Variants in VCL observed in about 807,000 individuals in gnomAD.
VCL encodes the protein epididymis luminal protein 114.
VCL carries 47 observed loss-of-function variants against 125.7 expected under a neutral mutation model. The observed-to-expected ratio is 0.37, with a 90% CI of 0.30 to 0.48. The LOEUF is 0.48. Among genes scored for constraint, VCL ranks in the 20% least tolerant of loss-of-function variants. The pLI is 0.99. For missense variants in VCL, 1,069 were observed against 1,455.5 expected (o/e 0.73, Z 4.32); for synonymous variants, 458 against 514.6 (o/e 0.89, Z 1.49).
chr10:74,046,519 C>A (rs10762574), intron 2 of VCL, among the ~76,000 whole-genome samples: 86,299 of 152,098 alleles, frequency 0.57, 25,225 homozygotes, highest in Admixed American at 0.64. Context: ...TTGGGAGTAC[C>A]GGCATGAGCC....
chr10:74,017,148 C>T (rs1017793439), intron 1 of VCL, among the ~76,000 whole-genome samples: 3 of 146,892 alleles, frequency 2.0e-5, no homozygotes, highest in Admixed American at 6.8e-5. Context: ...CCCGGGTTCA[C>T]GCCATTCTCC....
chr10:74,044,758 A>G (rs1405084935), intron 2 of VCL, among the ~76,000 whole-genome samples: 1 of 152,238 alleles, frequency 6.6e-6, no homozygotes, highest in East Asian at 1.9e-4. Flanking sequence ...TGGTCTATCT[A>G]GAGTAGAATG....
chr10:74,111,895 C>T lies in VCL; in HGVS notation c.2746-14C>T, dbSNP rs367598954. On this transcript the variant is annotated splice_polypyrimidine_tract_variant and intron_variant, in intron 18 of 21. Transcript: ENST00000211998. ...CACTATCCCTATTTCTCATCCTTCC[C>T]GCCATCGACAAAGCCGGGCATCCCA... 4.6e-5 allele frequency: 74 copies of T among 1,613,960 alleles called. No individual in the cohort carries two copies. The highest frequency in any genetic ancestry group is 1.6e-4 in the South Asian group (15 of 91,056).
rs373365958 is a variant in VCL at position 74,054,901 on chromosome 10, A to G, written c.239+11748A>G. On this transcript the variant is annotated intron_variant, in intron 2 of 21. Transcript: ENST00000211998. Reference sequence around the variant, plus strand: ...ACGCCATTGCACTTCAGCCTGGGTGACAGAGCAAGACTATGTCTCAAAAAA... The same window carrying G: ...ACGCCATTGCACTTCAGCCTGGGTGGCAGAGCAAGACTATGTCTCAAAAAA... 5.3e-5 allele frequency among the ~76,000 whole-genome samples: 8 copies of G among 152,224 alleles called. 1 individual carries two copies. Among genetic ancestry groups the G allele is most frequent in the African/African-American group, 1.4e-4 (6 of 41,540 alleles).
chr10:74,082,051 G>A (rs1270242594), intron 6 of VCL, among the ~76,000 whole-genome samples: 2 of 152,162 alleles, frequency 1.3e-5, no homozygotes, highest in Non-Finnish European at 2.9e-5. Context: ...ACATACTAAC[G>A]AGGCTTCCCT....
chr10:73,998,932 C>T (rs7923778), intron 1 of VCL, among the ~76,000 whole-genome samples: 34,879 of 151,970 alleles, frequency 0.23, 4,052 homozygotes, highest in South Asian at 0.25. Context: ...CACCCCCGCT[C>T]CCCAGAGCTC....
At chr10:74,116,617 C>T (rs7100462) in intron 21 of VCL, among the ~76,000 whole-genome samples, 7,435 of 150,036 alleles carry the variant, frequency 0.05, 571 homozygotes, top group African/African-American at 0.16. Flanking sequence ...ACCTGGGAGG[C>T]GGAAATTGCA....
intron 14 of VCL, 64 bp from the exon 15 acceptor site, chr10:74,103,756 G>A: frequency 6.7e-7 from 1 of 1,486,704 alleles, no homozygotes; most frequent in South Asian, 1.1e-5. Flanking sequence ...AGAAAGCTTG[G>A]CTGAAGGTTT....
Position 74,074,806 on chromosome 10 carries a change from A to T in VCL, c.686A>T (p.Asn229Ile). ...CAAGGCATAGAGGAAGCTTTAAAAA[A>T]TCGCAATTTTACTGTAGAAAAAATG... ...KNQGIEEALK[N>I]RNFTVEKMSA... Residue 229 changes from asparagine to isoleucine, a missense_variant, in exon 6 of 22, where the codon AAT becomes ATT. Coordinates refer to ENST00000211998, the MANE Select transcript of VCL (RefSeq NM_014000.3). 1 of 1,614,202 alleles carries T rather than the reference A, an allele frequency of 6.2e-7. No individual in the cohort carries two copies. The highest frequency in any genetic ancestry group is 8.5e-7 in the Non-Finnish European group (1 of 1,180,022).
chr10:74,055,006 C>CA (rs890958598), intron 2 of VCL, among the ~76,000 whole-genome samples: 176 of 151,986 alleles, frequency 1.2e-3, no homozygotes, highest in African/African-American at 4.1e-3. Context: ...TGCATAAAAA[C>CA]AAAAAGATAC....
chr10:74,054,086 T>TAACTTTTCAA (rs1841354661), intron 2 of VCL, among the ~76,000 whole-genome samples: 2 of 152,196 alleles, frequency 1.3e-5, no homozygotes, highest in African/African-American at 4.8e-5. Context: ...AGTTTTTATG[T>TAACTTTTCAA]GTGCTTGAAA....
intron 1 of VCL, among the ~76,000 whole-genome samples, chr10:74,012,491 G>T (rs1185313465): frequency 1.3e-5 from 2 of 152,140 alleles, no homozygotes; most frequent in Admixed American, 1.3e-4. Flanking sequence ...CAATATAATT[G>T]TTGCAGAATT....
At position 74,071,105 on chromosome 10, in the gene VCL, T is replaced by TA; in HGVS notation, c.499+24dup. The TA allele has an allele frequency of 6.2e-7, 1 of 1,607,896 alleles. No individual in the cohort carries two copies. Among genetic ancestry groups the TA allele is most frequent in the African/African-American group, 1.3e-5 (1 of 74,908 alleles). On this transcript the variant is annotated intron_variant, in intron 4 of 21. Transcript: ENST00000211998. The surrounding 1 kb of genome is among the most constrained non-coding windows in gnomAD (Gnocchi z 4.1). ...CCAGGTTAGTTTTATCCAATTTCTATAACATTTTTTAAGGATTGTCCATGT... is the reference window on the plus strand; with the variant it reads ...CCAGGTTAGTTTTATCCAATTTCTATAAACATTTTTTAAGGATTGTCCATGT...
intron 1 of VCL, among the ~76,000 whole-genome samples, chr10:74,017,595 C>A (rs1428074774): frequency 1.2e-4 from 18 of 150,350 alleles, no homozygotes; most frequent in Admixed American, 3.3e-4. Context: ...TTTTGTTGCC[C>A]AGGCTGGAGT....
chr10:74,028,301 C>T (rs1269624963), intron 1 of VCL, among the ~76,000 whole-genome samples: 1 of 151,602 alleles, frequency 6.6e-6, no homozygotes, highest in Non-Finnish European at 1.5e-5. Flanking sequence ...CCAGGCTGGT[C>T]TCAAACTCCT....
intron 1 of VCL, among the ~76,000 whole-genome samples, chr10:74,032,098 G>C (rs1275120563): frequency 2.7e-5 from 4 of 146,524 alleles, no homozygotes; most frequent in Admixed American, 6.8e-5. Flanking sequence ...AAAAAGCCGG[G>C]TGTGGTTGTA....
At chr10:74,050,856 G>T (rs531224305) in intron 2 of VCL, among the ~76,000 whole-genome samples, 6 of 149,372 alleles carry the variant, frequency 4.0e-5, no homozygotes, top group Admixed American at 3.3e-4. Flanking sequence ...CTGCATTTTT[G>T]ACCTAGAGCA....
At chr10:74,080,962 G>A (rs1015897117) in intron 6 of VCL, among the ~76,000 whole-genome samples, 1 of 152,184 alleles carries the variant, frequency 6.6e-6, no homozygotes, top group African/African-American at 2.4e-5. Flanking sequence ...TGATAGGAGA[G>A]ATTTGCTGAT....
chr10:74,046,196 A>G (rs1841194221), intron 2 of VCL, among the ~76,000 whole-genome samples: 1 of 152,186 alleles, frequency 6.6e-6, no homozygotes, highest in Non-Finnish European at 1.5e-5. Context: ...GGTTTCTTCG[A>G]GCTCTGATCA....
Sources: gnomAD v4.1 joint callset for allele counts (sites outside exome capture counted in the v4.1 genomes callset) on GRCh38, gnomAD v4.1.1 for gene constraint, Gnocchi (gnomAD v3.1) non-coding constraint, MANE v1.5 for transcripts, NCBI Gene and HGNC (gene_info 2026-07-23, HGNC 2026-07-21) for gene names.